Variants in HACD4 observed in about 807,000 individuals in gnomAD.
The protein encoded by HACD4 is 3-hydroxyacyl-CoA dehydratase 4.
Under a neutral mutation model 33.3 loss-of-function variants are expected in HACD4, and 35 were observed. The ratio of observed to expected loss-of-function variants is 1.05; its 90% CI spans 0.80 to 1.39. The LOEUF is 1.39. Among genes scored for constraint, HACD4 ranks in the 40% most tolerant of loss-of-function variants. The probability of loss-of-function intolerance (pLI) is 0.00; values close to 1 mark genes in which losing one functional copy is unlikely to be tolerated. For missense variants in HACD4, 323 were observed against 276.5 expected (o/e 1.17, Z -1.19); for synonymous variants, 118 against 98.0 (o/e 1.20, Z -1.21).
In HACD4 at chr9:21,002,453, A is replaced by G. The variant is rs954290935; in HGVS notation, c.*4584T>C. 5.9e-5 allele frequency: 9 copies of G among 152,148 alleles called. No individual in the cohort carries two copies. The highest frequency in any genetic ancestry group is 2.2e-4 in the African/African-American group (9 of 41,448). 9.4% of individuals were successfully genotyped at this position (152,148 alleles called of 1,614,324 possible). A position where few individuals can be genotyped will look rare whatever the true frequency, so the allele number is the denominator to read the frequency against. On this transcript the variant is annotated 3_prime_UTR_variant, in exon 7 of 7. Transcript: ENST00000495827. ...GACATTATGCTAAGTGAAATAAGCCAATTACGAAAGACAGATACTGTATGA... is the reference window on the plus strand; with the variant it reads ...GACATTATGCTAAGTGAAATAAGCCGATTACGAAAGACAGATACTGTATGA...
Position 21,001,955 on chromosome 9 carries a change from A to G in HACD4, c.*5082T>C, listed in dbSNP as rs1218425773. 6.6e-6 allele frequency: 1 copy of G among 152,158 alleles called. No individual in the cohort carries two copies. The highest frequency in any genetic ancestry group is 3.2e-3 in the Middle Eastern group (1 of 316). 9.4% of individuals were successfully genotyped at this position (152,158 alleles called of 1,614,324 possible). ...GAAATAAGGATCTCAGTAAAGAAAA[A>G]TACATGGGCAATTATAAAATCTAGT... On this transcript the variant is annotated 3_prime_UTR_variant, in exon 7 of 7. Transcript: ENST00000495827.
rs1347884956 is a variant in HACD4, at chr9:21,003,143, A to G, written c.*3894T>C. ...TCTTTTTATGTTACAATTGTTGCAG[A>G]TATCTCAAATTACTGTCAATCCTCA... On this transcript the variant is annotated 3_prime_UTR_variant, in exon 7 of 7. Transcript: ENST00000495827. 5.3e-5 allele frequency: 8 copies of G among 152,318 alleles called. No individual in the cohort carries two copies. The East Asian group carries it at 1.5e-3, about 29-fold the overall frequency. 9.4% of individuals were successfully genotyped at this position (152,318 alleles called of 1,614,324 possible). A position where few individuals can be genotyped will look rare whatever the true frequency, so the allele number is the denominator to read the frequency against.
At chr9:21,026,060 G>A (rs528432669) in intron 3 of HACD4, among the ~76,000 whole-genome samples, 2 of 152,214 alleles carry the variant, frequency 1.3e-5, no homozygotes, top group South Asian at 2.1e-4. Context: ...TTCCATTGAC[G>A]TTTAGTAAAA....
In HACD4 at chr9:21,015,709, G is replaced by C. The variant is rs865808621; in HGVS notation, c.383+189C>G. On this transcript the variant is annotated intron_variant, in intron 4 of 6. Coordinates refer to ENST00000495827, the MANE Select transcript of HACD4 (RefSeq NM_001010915.5). ...GATTTACTCTTGTAATACCACGGTA[G>C]GTTTTCATTATCTTTGATATGCCCA... 3.7e-5 allele frequency: 17 copies of C among 461,240 alleles called. No individual in the cohort carries two copies. The Middle Eastern group carries it at 4.6e-3, about 124-fold the overall frequency. The allele number at this position is 461,240 out of a possible 1,614,324, so 28.6% of individuals were successfully genotyped here. A position where few individuals can be genotyped will look rare whatever the true frequency, so the allele number is the denominator to read the frequency against.
At chr9:21,013,018 G>C (rs1447728668) in intron 4 of HACD4, among the ~76,000 whole-genome samples, 2 of 142,622 alleles carry the variant, frequency 1.4e-5, no homozygotes, top group Non-Finnish European at 3.0e-5. Context: ...GGTGAGCTGA[G>C]ATCACACCAC....
chr9:21,031,434 G>A (rs368748548), intron 1 of HACD4, 119 bp downstream of exon 1: 2 of 1,340,744 alleles, frequency 1.5e-6, no homozygotes, highest in Non-Finnish European at 1.9e-6. Flanking sequence ...GGGCACGGTA[G>A]CGCTGCGCCT....
rs777582704 is a variant in HACD4, at chr9:21,008,168, A to T, written c.491-22T>A. The stretch of plus-strand genomic sequence containing the variant: ...AATGCTGTTAAAAAAGAAAGGCATC[A>T]TAAAGGTATTCCTCCTTAAGTTGTT... On this transcript the variant is annotated intron_variant, in intron 5 of 6. Transcript: ENST00000495827. The T allele has an allele frequency of 1.9e-6, 3 of 1,596,520 alleles. No individual in the cohort carries two copies. In the East Asian group the frequency reaches 6.8e-5, roughly 36 times the overall value.
chr9:21,015,996 T>G lies in HACD4; in HGVS notation c.285A>C (p.Ile95=), dbSNP rs774794755. The change falls in exon 4 of 7, where the codon ATA becomes ATC. Residue 95 remains isoleucine, a synonymous_variant. Transcript: ENST00000495827. The part of the protein sequence containing the change: ...LPRFLQLTER[I]IILFVVITSQ... ...TGGTGATCACCACAAAAAGGATGAT[T>G]ATTCTTTCTGTGAGCTAACAAAGAA... is the stretch of plus-strand genomic sequence containing the variant. 1.9e-6 allele frequency: 3 copies of G among 1,609,808 alleles called. No homozygotes were observed. Among genetic ancestry groups the G allele is most frequent in the Non-Finnish European group, 2.6e-6 (3 of 1,176,378 alleles).
intron 3 of HACD4, among the ~76,000 whole-genome samples, chr9:21,019,098 C>T (rs1027087149): frequency 6.6e-6 from 1 of 152,064 alleles, no homozygotes; most frequent in African/African-American, 2.4e-5. Flanking sequence ...TTCTATAAGA[C>T]AAATGCATTT....
chr9:21,011,725 C>A (rs1481778251), intron 4 of HACD4, 30 bp from the exon 5 acceptor site: 1 of 1,195,882 alleles, frequency 8.4e-7, no homozygotes, highest in African/African-American at 1.5e-5. Context: ...TCATAAACAT[C>A]ATTTTCTGCT....
At position 21,026,730 on chromosome 9, in the gene HACD4, C is replaced by A; in HGVS notation, c.143-7G>T. ...AAAGTGTCAACCATTGAATCTGTAT[C>A]CCGTGGGTTAAAAATGCAGATATAG... is the stretch of plus-strand genomic sequence containing the variant. On this transcript the variant is annotated splice_region_variant and splice_polypyrimidine_tract_variant and intron_variant, in intron 2 of 6. Coordinates refer to ENST00000495827, the MANE Select transcript of HACD4 (RefSeq NM_001010915.5). 2 of 1,610,632 alleles carry A rather than the reference C, an allele frequency of 1.2e-6. No homozygotes were observed. The highest frequency in any genetic ancestry group is 2.2e-5 in the South Asian group (2 of 89,992).
chr9:21,007,216 C>G, intron 6 of HACD4, 97 bp from the exon 7 acceptor site: 1 of 719,992 alleles, frequency 1.4e-6, no homozygotes, highest in Non-Finnish European at 2.5e-6. Context: ...TGCCCAAATC[C>G]AGGGAGAAGA....
In HACD4 at chr9:21,003,198, T is replaced by C. The variant is rs1361784730; in HGVS notation, c.*3839A>G. On this transcript the variant is annotated 3_prime_UTR_variant, in exon 7 of 7. Coordinates refer to ENST00000495827, the MANE Select transcript of HACD4 (RefSeq NM_001010915.5). ...TGTTTTAAAATAATTATAAATTCAC[T>C]TGTGTTTCTTTTGGTTTTCAATTTT... 2 of 152,150 alleles carry C rather than the reference T, an allele frequency of 1.3e-5. No individual in the cohort carries two copies. Among genetic ancestry groups the C allele is most frequent in the Non-Finnish European group, 2.9e-5 (2 of 68,004 alleles). The allele number at this position is 152,150 out of a possible 1,614,324, so 9.4% of individuals were successfully genotyped here. A position where few individuals can be genotyped will look rare whatever the true frequency, so the allele number is the denominator to read the frequency against.
At chr9:21,013,658 C>A (rs1358597749) in intron 4 of HACD4, among the ~76,000 whole-genome samples, 2 of 152,082 alleles carry the variant, frequency 1.3e-5, no homozygotes, top group Non-Finnish European at 2.9e-5. Flanking sequence ...ATTTATTTAG[C>A]TCTTTAATTT....
In HACD4 at chr9:21,001,731, G is replaced by GA. The variant is rs938420484; in HGVS notation, c.*5305dup. On this transcript the variant is annotated 3_prime_UTR_variant, in exon 7 of 7. Coordinates refer to ENST00000495827, the MANE Select transcript of HACD4 (RefSeq NM_001010915.5). ...TGAGCTCACATATTCAAAGTGTTAG[G>GA]AAAAAAATATATCATCAACCACATT... 3.3e-5 allele frequency: 5 copies of GA among 151,924 alleles called. No homozygotes were observed. The highest frequency in any genetic ancestry group is 4.4e-5 in the Non-Finnish European group (3 of 67,928). 9.4% of individuals were successfully genotyped at this position (151,924 alleles called of 1,614,324 possible). A position where few individuals can be genotyped will look rare whatever the true frequency, so the allele number is the denominator to read the frequency against.
rs903624392 is a variant in HACD4 at position 21,003,633 on chromosome 9, C to A, written c.*3404G>T. The A allele has an allele frequency of 6.6e-6, 1 of 152,206 alleles. No homozygotes were observed. The highest frequency in any genetic ancestry group is 2.4e-5 in the African/African-American group (1 of 41,560). 9.4% of individuals were successfully genotyped at this position (152,206 alleles called of 1,614,324 possible). On this transcript the variant is annotated 3_prime_UTR_variant, in exon 7 of 7. Coordinates refer to ENST00000495827, the MANE Select transcript of HACD4 (RefSeq NM_001010915.5). Reference sequence around the variant, plus strand: ...AATAAGTTACCCATTTTTAAAATTACATTTTTATTATCCTATTCTTACATC... The same window carrying A: ...AATAAGTTACCCATTTTTAAAATTAAATTTTTATTATCCTATTCTTACATC...
chr9:21,013,494 G>A (rs1226095150), intron 4 of HACD4, among the ~76,000 whole-genome samples: 1 of 152,118 alleles, frequency 6.6e-6, no homozygotes, highest in Non-Finnish European at 1.5e-5. Context: ...CTGAGTTCCT[G>A]GAGTTTAAAT....
rs1391603920 is a variant in HACD4, at chr9:21,002,676, A to C, written c.*4361T>G. The C allele has an allele frequency of 6.6e-6, 1 of 152,142 alleles. No individual in the cohort carries two copies. Among genetic ancestry groups the C allele is most frequent in the African/African-American group, 2.4e-5 (1 of 41,444 alleles). 9.4% of individuals were successfully genotyped at this position (152,142 alleles called of 1,614,324 possible). A position where few individuals can be genotyped will look rare whatever the true frequency, so the allele number is the denominator to read the frequency against. ...CAATATAAATTACTTACTACTACTGAACTGCACACTTAAAAAGGAATAAGA... is the reference window on the plus strand; with the variant it reads ...CAATATAAATTACTTACTACTACTGCACTGCACACTTAAAAAGGAATAAGA... On this transcript the variant is annotated 3_prime_UTR_variant, in exon 7 of 7. Transcript: ENST00000495827.
intron 3 of HACD4, among the ~76,000 whole-genome samples, chr9:21,024,722 G>A (rs1818018968): frequency 2.6e-5 from 4 of 152,064 alleles, no homozygotes; most frequent in Non-Finnish European, 5.9e-5. Flanking sequence ...TCTCTACACT[G>A]GCAATAATTA....
Sources: gnomAD v4.1 joint callset for allele counts (sites outside exome capture counted in the v4.1 genomes callset) on GRCh38, gnomAD v4.1.1 for gene constraint, MANE v1.5 for transcripts, NCBI Gene and HGNC (gene_info 2026-07-23, HGNC 2026-07-21) for gene names.